ABCA13: variants seen among roughly 807,000 people sequenced by gnomAD.
ABCA13 encodes ATP binding cassette subfamily A member 13.
In ABCA13, 476 loss-of-function variants were observed where a neutral mutation model predicts 478.7. The ratio of observed to expected loss-of-function variants is 0.99; its 90% CI spans 0.92 to 1.07. The LOEUF is 1.07. Ranked by LOEUF, ABCA13 falls within the 50% of genes least tolerant of loss-of-function variation. The pLI is 0.00. For missense variants in ABCA13, 6,060 were observed against 5,910.6 expected, an observed-to-expected ratio of 1.03 and a Z score of -0.83; for synonymous variants, 2,252 against 2,158.9, an observed-to-expected ratio of 1.04 and a Z score of -1.20.
chr7:48,485,405 A>G (rs1829194330), intron 47 of ABCA13, among the ~76,000 whole-genome samples: 1 of 152,192 alleles, frequency 6.6e-6, no homozygotes, highest in African/African-American at 2.4e-5. Context: ...CCCACAGCTT[A>G]TTTCCAGAAC....
intron 31 of ABCA13, among the ~76,000 whole-genome samples, chr7:48,363,864 T>G (rs1811263295): frequency 6.6e-6 from 1 of 152,196 alleles, no homozygotes; most frequent in African/African-American, 2.4e-5. Context: ...ATAGAGGGGC[T>G]TGCCTTGTTT....
At chr7:48,294,305 T>C (rs1799018351) in intron 20 of ABCA13, among the ~76,000 whole-genome samples, 1 of 152,114 alleles carries the variant, frequency 6.6e-6, no homozygotes, top group Non-Finnish European at 1.5e-5. Context: ...TCTCATGCTG[T>C]ATATTAATTC....
intron 1 of ABCA13, among the ~76,000 whole-genome samples, chr7:48,184,284 A>T (rs1304741508): frequency 6.6e-6 from 1 of 152,062 alleles, no homozygotes; most frequent in African/African-American, 2.4e-5. Flanking sequence ...ATTTCCTACT[A>T]TTGATTTGTA....
intron 43 of ABCA13, among the ~76,000 whole-genome samples, chr7:48,456,978 A>G (rs995819569): frequency 1.3e-5 from 2 of 152,084 alleles, no homozygotes; most frequent in African/African-American, 4.8e-5. Context: ...AATGTGTGCC[A>G]ATTAACAGTC....
chr7:48,377,256 G>A (rs1228143285), intron 35 of ABCA13, among the ~76,000 whole-genome samples: 2 of 151,490 alleles, frequency 1.3e-5, no homozygotes, highest in Non-Finnish European at 2.9e-5. Context: ...GAGGAAAAGA[G>A]GCACGCATAC....
At chr7:48,263,219 A>G (rs928318535) in intron 15 of ABCA13, among the ~76,000 whole-genome samples, 2 of 151,934 alleles carry the variant, frequency 1.3e-5, no homozygotes, top group African/African-American at 2.4e-5. Context: ...TAAGCACAGG[A>G]AAGTTTGAGA....
chr7:48,308,864 T>C (rs1243711252), intron 23 of ABCA13, among the ~76,000 whole-genome samples: 1 of 150,338 alleles, frequency 6.7e-6, no homozygotes, highest in Non-Finnish European at 1.5e-5. Context: ...AGTGACACGC[T>C]GTACAGGTTT....
At chr7:48,209,059 TTATA>T (rs1326233053) in intron 3 of ABCA13, among the ~76,000 whole-genome samples, 2 of 152,152 alleles carry the variant, frequency 1.3e-5, no homozygotes, top group African/African-American at 2.4e-5. Flanking sequence ...ATTGATATGA[TTATA>T]TAGTTTTTGT....
At chr7:48,270,001 C>T (rs1795379834) in intron 16 of ABCA13, among the ~76,000 whole-genome samples, 1 of 152,050 alleles carries the variant, frequency 6.6e-6, no homozygotes. Flanking sequence ...TTTAATAGCC[C>T]TAGAAAACCA....
At chr7:48,343,487 G>T (rs1282952914) in intron 29 of ABCA13, among the ~76,000 whole-genome samples, 1 of 152,150 alleles carries the variant, frequency 6.6e-6, no homozygotes, top group African/African-American at 2.4e-5. Flanking sequence ...TCAGTTTTTG[G>T]CAGGATCAAA....
chr7:48,301,892 T>A (rs1029589795), intron 23 of ABCA13, among the ~76,000 whole-genome samples: 1 of 152,210 alleles, frequency 6.6e-6, no homozygotes, highest in Non-Finnish European at 1.5e-5. Context: ...TTCACTAAAA[T>A]AAAGTGAAAT....
chr7:48,554,710 T>C (rs1188669169), intron 55 of ABCA13, among the ~76,000 whole-genome samples: 2 of 151,682 alleles, frequency 1.3e-5, no homozygotes, highest in Non-Finnish European at 3.0e-5. Flanking sequence ...TCAGTTCTAG[T>C]AGTTTTTTGT....
chr7:48,249,943 G>A (rs1792286859), intron 15 of ABCA13, among the ~76,000 whole-genome samples: 1 of 152,074 alleles, frequency 6.6e-6, no homozygotes, highest in Admixed American at 6.6e-5. Flanking sequence ...GCAGGTTAAG[G>A]GCTCAGTCCC....
intron 59 of ABCA13, 142 bp from the exon 60 acceptor site, chr7:48,643,144 CTG>C: frequency 1.9e-6 from 1 of 529,060 alleles, no homozygotes; most frequent in Non-Finnish European, 3.4e-6. Context: ...CAATTAATTT[CTG>C]TGTCTTATAT....
At chr7:48,313,783 A>G (rs1802122718) in intron 25 of ABCA13, among the ~76,000 whole-genome samples, 1 of 152,220 alleles carries the variant, frequency 6.6e-6, no homozygotes, top group Non-Finnish European at 1.5e-5. Flanking sequence ...GAGGAGCAAG[A>G]TAACAATGTT....
rs373021960 is a variant in ABCA13, at chr7:48,342,291, A to G, written c.10204+3836A>G. On this transcript the variant is annotated intron_variant, in intron 29 of 61. Transcript: ENST00000435803. ...TCCTGCATTGTTGGGTGCCGTCTTG[A>G]GCATCCTCACTGTCTCCTTGTTCCA... Among the ~76,000 whole-genome samples, 16 of 152,134 alleles carry G rather than the reference A, an allele frequency of 1.1e-4. No homozygotes were observed. In the East Asian group the frequency reaches 1.4e-3, roughly 13 times the overall value.
At chr7:48,479,311 C>T (rs1828508926) in intron 45 of ABCA13, among the ~76,000 whole-genome samples, 1 of 151,996 alleles carries the variant, frequency 6.6e-6, no homozygotes, top group African/African-American at 2.4e-5. Flanking sequence ...CATCTTGGCT[C>T]ACTGCAACCT....
chr7:48,180,482 G>T (rs1043186936), intron 1 of ABCA13, among the ~76,000 whole-genome samples: 1 of 152,090 alleles, frequency 6.6e-6, no homozygotes, highest in Non-Finnish European at 1.5e-5. Context: ...GTGCAATGGC[G>T]TGATCTCAGC....
At chr7:48,325,542 CT>C (rs1467357365) in intron 27 of ABCA13, among the ~76,000 whole-genome samples, 3 of 152,034 alleles carry the variant, frequency 2.0e-5, no homozygotes, top group Non-Finnish European at 4.4e-5. Flanking sequence ...AATCTGATTA[CT>C]TTTTCTTTTT....
Sources: gnomAD v4.1 joint callset for allele counts (sites outside exome capture counted in the v4.1 genomes callset) on GRCh38, gnomAD v4.1.1 for gene constraint, MANE v1.5 for transcripts, NCBI Gene and HGNC (gene_info 2026-07-23, HGNC 2026-07-21) for gene names.